Variants in FERMT1 observed in about 807,000 individuals in gnomAD.
FERMT1 encodes fermitin family homolog 1.
In FERMT1, 60 loss-of-function variants were observed where a neutral mutation model predicts 85.3. The observed-to-expected ratio is 0.70, with a 90% CI of 0.57 to 0.87. FERMT1 has a LOEUF of 0.87. FERMT1 is among the 40% of genes least tolerant of loss of function. The pLI is 0.00. For synonymous variants in FERMT1, 275 were observed against 301.1 expected (o/e 0.91, Z 0.90); for missense variants, 701 against 818.9 (o/e 0.86, Z 1.76).
At chr20:6,107,691 A>G in intron 5 of FERMT1, 57 bp from the exon 6 acceptor site, 1 of 865,038 alleles carries the variant, frequency 1.2e-6, no homozygotes, top group East Asian at 2.7e-5. Flanking sequence ...TATATCCATT[A>G]TATTATTATG....
At chr20:6,100,556 TA>T (rs931717524) in intron 6 of FERMT1, among the ~76,000 whole-genome samples, 1 of 152,158 alleles carries the variant, frequency 6.6e-6, no homozygotes, top group Non-Finnish European at 1.5e-5. Flanking sequence ...CTGAATATAC[TA>T]AAAACCACTG....
Position 6,077,188 on chromosome 20 carries a change from G to A in FERMT1, c.2019C>T (p.Thr673=), listed in dbSNP as rs368745513. 64 of 1,613,908 alleles carry A rather than the reference G, an allele frequency of 4.0e-5. No individual in the cohort carries two copies. The African/African-American group carries it at 5.9e-4, about 15-fold the overall frequency. The change falls in exon 15 of 15, where the codon ACC becomes ACT. Residue 673 remains threonine, a synonymous_variant. Coordinates refer to ENST00000217289, the MANE Select transcript of FERMT1 (RefSeq NM_017671.5). ...CGTGCTTGTTTCAATCCTGACCGCC[G>A]GTCAATTTGTGGAACAAGTCCTCAT... ...TLDEDLFHKL[T]GGQD
intron 9 of FERMT1, among the ~76,000 whole-genome samples, chr20:6,091,122 C>T (rs986840153): frequency 6.6e-6 from 1 of 151,984 alleles, no homozygotes; most frequent in African/African-American, 2.4e-5. Context: ...GAGATCACGC[C>T]ACCGCACTCC....
chr20:6,079,532 G>T lies in FERMT1; in HGVS notation c.1764C>A (p.Asn588Lys). 6.2e-7 allele frequency: 1 copy of T among 1,613,750 alleles called. No homozygotes were observed. The highest frequency in any genetic ancestry group is 8.5e-7 in the Non-Finnish European group (1 of 1,179,732). ...TGGCTGCATCAATTTTAATCAACCTGTTATATGAAACTCCCAGAATGTCAT... is the reference window on the plus strand; with the variant it reads ...TGGCTGCATCAATTTTAATCAACCTTTTATATGAAACTCCCAGAATGTCAT... ...KKDDILGVSY[N>K]RLIKIDAATG... The change falls in exon 14 of 15, where the codon AAC becomes AAA. Residue 588 changes from asparagine to lysine, a missense_variant. Coordinates refer to ENST00000217289, the MANE Select transcript of FERMT1 (RefSeq NM_017671.5).
In FERMT1 at chr20:6,106,103, T is replaced by TA. The variant is rs201618344; in HGVS notation, c.849+1428dup. On this transcript the variant is annotated intron_variant, in intron 6 of 14. Transcript: ENST00000217289. ...GACAGTTGCAAATTCACAGTAGAGT[T>TA]AAAAAAAAGCCAAGCCAATTGCGTA... 4.5e-3 allele frequency among the ~76,000 whole-genome samples: 680 copies of TA among 151,914 alleles called. 2 individuals carry two copies. The highest frequency in any genetic ancestry group is 0.011 in the African/African-American group (447 of 41,456).
rs1568662672 is a variant in FERMT1, at chr20:6,107,694, T to C, written c.747-60A>G. The stretch of plus-strand genomic sequence containing the variant: ...CAATTTTACATATATATCCATTATA[T>C]TATTATGTCATATATTATATACTAC... On this transcript the variant is annotated intron_variant, in intron 5 of 14. Transcript: ENST00000217289. The C allele has an allele frequency of 8.3e-6, 7 of 843,872 alleles. No homozygotes were observed. In the Admixed American group the frequency reaches 1.2e-4, roughly 14 times the overall value. 52.3% of individuals were successfully genotyped at this position (843,872 alleles called of 1,614,324 possible).
chr20:6,111,114 C>G (rs956725849), intron 4 of FERMT1, among the ~76,000 whole-genome samples: 2 of 152,120 alleles, frequency 1.3e-5, no homozygotes, highest in Non-Finnish European at 2.9e-5. Context: ...TGGAGACCAC[C>G]TCTTTTCTAA....
chr20:6,112,785 A>C (rs935799830), intron 3 of FERMT1, among the ~76,000 whole-genome samples, 162 bp from the exon 4 acceptor site: 2 of 152,232 alleles, frequency 1.3e-5, no homozygotes, highest in African/African-American at 4.8e-5. Context: ...GGAAAGGGGA[A>C]CAGAGACCTC....
chr20:6,120,171 A>G (rs914518652), intron 1 of FERMT1, among the ~76,000 whole-genome samples: 2 of 152,152 alleles, frequency 1.3e-5, no homozygotes, highest in African/African-American at 2.4e-5. Flanking sequence ...CAAAAAATAA[A>G]AAAAAGCAAA....
At chr20:6,078,513 T>C (rs1224794211) in intron 14 of FERMT1, among the ~76,000 whole-genome samples, 2 of 152,130 alleles carry the variant, frequency 1.3e-5, no homozygotes, top group African/African-American at 4.8e-5. Flanking sequence ...CTTGCTTTGT[T>C]ACCCAGGCTG....
chr20:6,098,852 G>A (rs1600437640), intron 6 of FERMT1, among the ~76,000 whole-genome samples: 2 of 152,278 alleles, frequency 1.3e-5, no homozygotes, highest in East Asian at 3.9e-4. Context: ...TGGAGCCCTT[G>A]TGCACTGCTA....
chr20:6,096,870 C>T (rs750682445), intron 8 of FERMT1, 32 bp downstream of exon 8: 3 of 1,602,264 alleles, frequency 1.9e-6, no homozygotes, highest in South Asian at 2.2e-5. Context: ...AGAAGAAAGC[C>T]ACAGTTCTGG....
rs986452158 is a variant in FERMT1, at chr20:6,104,576, G to T, written c.849+2956C>A. On this transcript the variant is annotated intron_variant, in intron 6 of 14. Coordinates refer to ENST00000217289, the MANE Select transcript of FERMT1 (RefSeq NM_017671.5). This position sits in a 1 kb window ranked among gnomAD's most constrained non-coding sequence, Gnocchi z 4.2. ...CTCCAATGCCATGTCCCATTATCCT[G>T]AGTCTTCCTGTCACCTTTGGGTTGA... 6.6e-6 allele frequency among the ~76,000 whole-genome samples: 1 copy of T among 152,156 alleles called. No individual in the cohort carries two copies. Among genetic ancestry groups the T allele is most frequent in the African/African-American group, 2.4e-5 (1 of 41,426 alleles).
rs1032444979 is a variant in FERMT1 at position 6,076,681 on chromosome 20, C to G, written c.*492G>C. 4 of 330,144 alleles carry G rather than the reference C, an allele frequency of 1.2e-5. No individual in the cohort carries two copies. In the Admixed American group the frequency reaches 1.2e-4, roughly 10 times the overall value. 20.5% of individuals were successfully genotyped at this position (330,144 alleles called of 1,614,324 possible). Reference sequence around the variant, plus strand: ...CAGGGAAAAAGTGTGTGTAGGAACTCCCTCTGCCATTTTGAAAAGACAGGA... The same window carrying G: ...CAGGGAAAAAGTGTGTGTAGGAACTGCCTCTGCCATTTTGAAAAGACAGGA... On this transcript the variant is annotated 3_prime_UTR_variant, in exon 15 of 15. Transcript: ENST00000217289.
At position 6,117,763 on chromosome 20, in the gene FERMT1, T is replaced by A. The variant is rs374433631; in HGVS notation, c.151+1641A>T. 2.1e-4 allele frequency among the ~76,000 whole-genome samples: 31 copies of A among 147,772 alleles called. No homozygotes were observed. In the South Asian group the frequency reaches 6.1e-3, roughly 29 times the overall value. On this transcript the variant is annotated intron_variant, in intron 2 of 14. Coordinates refer to ENST00000217289, the MANE Select transcript of FERMT1 (RefSeq NM_017671.5). Reference sequence around the variant, plus strand: ...GGTTTTACCATGTTGGCCAGGCTGGTCTTGAACTCCTGACCTCAGGTGATC... The same window carrying A: ...GGTTTTACCATGTTGGCCAGGCTGGACTTGAACTCCTGACCTCAGGTGATC...
In FERMT1 at chr20:6,087,808, C is replaced by A; in HGVS notation, c.1340G>T (p.Gly447Val). 1 of 1,607,886 alleles carries A rather than the reference C, an allele frequency of 6.2e-7. No homozygotes were observed. Among genetic ancestry groups the A allele is most frequent in the Non-Finnish European group, 8.5e-7 (1 of 1,174,352 alleles). Residue 447 changes from glycine to valine, a missense_variant, in exon 11 of 15, where the codon GGT (glycine) becomes GTT (valine). Coordinates refer to ENST00000217289, the MANE Select transcript of FERMT1 (RefSeq NM_017671.5). Reference protein sequence around the residue: ...GIKLLIPVADGMNEMYLRCDH... With the variant: ...GIKLLIPVADVMNEMYLRCDH... ...ACATCTCAAATACATTTCATTCATA[C>A]CATCGGCAACAGGGATTAGTAACTT...
Position 6,107,534 on chromosome 20 carries a change from T to C in FERMT1, c.847A>G (p.Lys283Glu), listed in dbSNP as rs746834175. The stretch of plus-strand genomic sequence containing the variant: ...ACAAAAGAGAAAAAGTTGCTTACTT[T>C]AGGATTCAAGTCGAAGAAAGAATAA... Reference protein sequence around the residue: ...KYYSFFDLNPKYDAVRINQLY... With the variant: ...KYYSFFDLNPEYDAVRINQLY... The change falls in exon 6 of 15, where the codon AAA becomes GAA. Residue 283 changes from lysine to glutamate, a missense_variant and splice_region_variant. Lys to Glu is a moderately conservative substitution (Grantham distance 56). Transcript: ENST00000217289. 3 of 1,597,312 alleles carry C rather than the reference T, an allele frequency of 1.9e-6. No individual in the cohort carries two copies. The highest frequency in any genetic ancestry group is 2.2e-5 in the South Asian group (2 of 90,606).
chr20:6,077,449 A>T, intron 14 of FERMT1, 103 bp from the exon 15 acceptor site: 1 of 1,057,082 alleles, frequency 9.5e-7, no homozygotes, highest in Non-Finnish European at 1.4e-6. Context: ...GCTGAGGTGG[A>T]TAACAGATGG....
intron 1 of FERMT1, 150 bp from the exon 2 acceptor site, chr20:6,119,722 T>G (rs1983215770): frequency 1.6e-6 from 1 of 639,228 alleles, no homozygotes; most frequent in African/African-American, 1.8e-5. Context: ...GCTCCAGATA[T>G]CAAATTTGGC....
Sources: allele counts gnomAD v4.1 joint callset (sites outside exome capture counted in the v4.1 genomes callset), GRCh38; gene constraint gnomAD v4.1.1; non-coding constraint Gnocchi (gnomAD v3.1); transcripts MANE v1.5; gene names NCBI Gene and HGNC (gene_info 2026-07-23, HGNC 2026-07-21).